Variants in CRIM1 observed in about 807,000 individuals in gnomAD.
CRIM1 encodes the protein cysteine rich transmembrane BMP regulator 1.
CRIM1 carries 32 observed loss-of-function variants against 116.4 expected under a neutral mutation model. The ratio of observed to expected loss-of-function variants is 0.27; its 90% CI spans 0.21 to 0.37. CRIM1 has a LOEUF of 0.37. Among genes scored for constraint, CRIM1 ranks in the 10% least tolerant of loss-of-function variants. The pLI is 1.00. For synonymous variants in CRIM1, 590 were observed against 509.2 expected (o/e 1.16, Z -2.13); for missense variants, 1,331 against 1,354.8 (o/e 0.98, Z 0.28).
At position 36,548,762 on chromosome 2, in the gene CRIM1, T is replaced by C. The variant is rs562559638; in HGVS notation, c.*61T>C. On this transcript the variant is annotated 3_prime_UTR_variant, in exon 17 of 17. Coordinates refer to ENST00000280527, the MANE Select transcript of CRIM1 (RefSeq NM_016441.3). Reference sequence around the variant, plus strand: ...AGACGACTAAATCTGCTCTAAAAAGTAAACTAGAATTTGTGCACTTGCTTA... The same window carrying C: ...AGACGACTAAATCTGCTCTAAAAAGCAAACTAGAATTTGTGCACTTGCTTA... 2 of 1,399,768 alleles carry C rather than the reference T, an allele frequency of 1.4e-6. No homozygotes were observed. The highest frequency in any genetic ancestry group is 2.3e-5 in the East Asian group (1 of 43,062). The allele number at this position is 1,399,768 out of a possible 1,614,324, so 86.7% of individuals were successfully genotyped here.
intron 16 of CRIM1, among the ~76,000 whole-genome samples, chr2:36,547,578 C>T (rs952516456): frequency 1.1e-4 from 16 of 152,184 alleles, no homozygotes; most frequent in African/African-American, 3.9e-4. Context: ...GGAGATAATA[C>T]TCAGGAGAGG....
intron 5 of CRIM1, among the ~76,000 whole-genome samples, chr2:36,467,889 A>G (rs1678175994): frequency 6.6e-6 from 1 of 152,252 alleles, no homozygotes; most frequent in East Asian, 1.9e-4. Flanking sequence ...TCATATGGAA[A>G]GGAATGGATT....
At chr2:36,366,802 T>G (rs898668053) in intron 1 of CRIM1, among the ~76,000 whole-genome samples, 1 of 152,216 alleles carries the variant, frequency 6.6e-6, no homozygotes, top group African/African-American at 2.4e-5. Context: ...TGGAGAATTG[T>G]GATACTTCTT....
At chr2:36,419,089 G>C (rs1226300328) in intron 2 of CRIM1, among the ~76,000 whole-genome samples, 1 of 152,158 alleles carries the variant, frequency 6.6e-6, no homozygotes, top group South Asian at 2.1e-4. Flanking sequence ...TTAAATGCTA[G>C]CATTTTTAAA....
intron 15 of CRIM1, among the ~76,000 whole-genome samples, chr2:36,544,833 C>A (rs1253060974): frequency 6.6e-6 from 1 of 152,168 alleles, no homozygotes; most frequent in African/African-American, 2.4e-5. Flanking sequence ...TATATATAAA[C>A]TTTGTAAGGA....
intron 11 of CRIM1, among the ~76,000 whole-genome samples, chr2:36,516,895 C>T (rs994016545): frequency 1.3e-5 from 2 of 152,144 alleles, no homozygotes; most frequent in East Asian, 3.9e-4. Flanking sequence ...AATAAGGTGA[C>T]TGTAAGGAAT....
Position 36,464,552 on chromosome 2 carries a change from C to T in CRIM1, c.888C>T (p.Gly296=). The T allele has an allele frequency of 6.2e-7, 1 of 1,614,094 alleles. No individual in the cohort carries two copies. The highest frequency in any genetic ancestry group is 1.1e-5 in the South Asian group (1 of 91,082). ...TLPTRCECLS[G]LCGFPVCEVG... is the part of the protein sequence containing the mutation. ...GTTTCAGATGCGAGTGTCTCTCTGGCTTATGTGGTTTCCCCGTGTGTGAGG... is the reference window on the plus strand; with the variant it reads ...GTTTCAGATGCGAGTGTCTCTCTGGTTTATGTGGTTTCCCCGTGTGTGAGG... The change falls in exon 5 of 17, where the codon GGC becomes GGT. Residue 296 remains glycine, a synonymous_variant. Transcript: ENST00000280527.
At chr2:36,519,856 T>G (rs1471032875) in intron 12 of CRIM1, among the ~76,000 whole-genome samples, 1 of 152,178 alleles carries the variant, frequency 6.6e-6, no homozygotes, top group East Asian at 1.9e-4. Context: ...TCCATAAGTT[T>G]AAAATTTTCT....
rs370438062 is a variant in CRIM1, at chr2:36,382,038, A to ACG, written c.332-14575_332-14574dup. ...AAGAGGTTTCCAGAAAAACCTGAGG[A>ACG]CGTGCCTCAGGGTGATGATATGCCC... On this transcript the variant is annotated intron_variant, in intron 1 of 16. Transcript: ENST00000280527. 5.1e-3 allele frequency among the ~76,000 whole-genome samples: 780 copies of ACG among 152,260 alleles called. 10 individuals are homozygous for ACG. The highest frequency in any genetic ancestry group is 0.018 in the African/African-American group (737 of 41,534).
chr2:36,538,877 A>G (rs1337322987), intron 14 of CRIM1, among the ~76,000 whole-genome samples: 1 of 152,232 alleles, frequency 6.6e-6, no homozygotes, highest in African/African-American at 2.4e-5. Flanking sequence ...ATGTTTCACA[A>G]ATTTCATACC....
At chr2:36,454,253 T>G (rs904504461) in intron 4 of CRIM1, among the ~76,000 whole-genome samples, 3 of 152,138 alleles carry the variant, frequency 2.0e-5, no homozygotes, top group Non-Finnish European at 4.4e-5. Flanking sequence ...GTATTCTTTC[T>G]TGCCTTTGTA....
rs1679874482 is a variant in CRIM1 at position 36,487,064 on chromosome 2, A to C, written c.1372+7370A>C. Among the ~76,000 whole-genome samples, 5 of 152,318 alleles carry C rather than the reference A, an allele frequency of 3.3e-5. No homozygotes were observed. The South Asian group carries it at 1.0e-3, about 32-fold the overall frequency. On this transcript the variant is annotated intron_variant, in intron 7 of 16. Coordinates refer to ENST00000280527, the MANE Select transcript of CRIM1 (RefSeq NM_016441.3). Reference sequence around the variant, plus strand: ...TTGGTTTACTTTTTAGCTTTTGTCTACCCAGTAGAATTTAACATTTTAATT... The same window carrying C: ...TTGGTTTACTTTTTAGCTTTTGTCTCCCCAGTAGAATTTAACATTTTAATT...
intron 4 of CRIM1, among the ~76,000 whole-genome samples, chr2:36,456,821 T>C (rs1677173203): frequency 6.6e-6 from 1 of 150,840 alleles, no homozygotes; most frequent in South Asian, 2.1e-4. Flanking sequence ...CCTTCAAAAC[T>C]AACCCTGATT....
intron 1 of CRIM1, among the ~76,000 whole-genome samples, chr2:36,379,739 TCTC>T (rs1198890583): frequency 2.5e-5 from 3 of 120,946 alleles, no homozygotes; most frequent in Non-Finnish European, 5.0e-5. Context: ...TCTTTCTTTC[TCTC>T]TTTTTTTTTT....
In CRIM1 at chr2:36,442,832, A is replaced by T; in HGVS notation, c.869+97A>T. 5 of 1,376,776 alleles carry T rather than the reference A, an allele frequency of 3.6e-6. No homozygotes were observed. The South Asian group carries it at 6.1e-5, about 17-fold the overall frequency. 85.3% of individuals were successfully genotyped at this position (1,376,776 alleles called of 1,614,324 possible). A position where few individuals can be genotyped will look rare whatever the true frequency, so the allele number is the denominator to read the frequency against. On this transcript the variant is annotated intron_variant, in intron 4 of 16. Transcript: ENST00000280527. ...CAGTTTGTTTTCCCATGAGAAACCT[A>T]GTCCTTTCCTGTTTCTCTGGAAGAA...
At chr2:36,382,762 A>G (rs1040296901) in intron 1 of CRIM1, among the ~76,000 whole-genome samples, 3 of 152,238 alleles carry the variant, frequency 2.0e-5, no homozygotes, top group East Asian at 1.9e-4. Context: ...CCAGTCTTCC[A>G]TAAATTGGAA....
At chr2:36,456,477 C>T (rs1043154763) in intron 4 of CRIM1, among the ~76,000 whole-genome samples, 10 of 152,214 alleles carry the variant, frequency 6.6e-5, no homozygotes, top group African/African-American at 2.4e-4. Context: ...GCGTGATGTG[C>T]CAGTTTCCCT....
intron 2 of CRIM1, among the ~76,000 whole-genome samples, chr2:36,403,685 A>G (rs539903726): frequency 2.0e-5 from 3 of 152,270 alleles, no homozygotes; most frequent in African/African-American, 7.2e-5. Context: ...TGGGAGGACT[A>G]TTATCAAGAT....
chr2:36,451,100 A>G (rs748990058), intron 4 of CRIM1, among the ~76,000 whole-genome samples: 3 of 152,340 alleles, frequency 2.0e-5, no homozygotes, highest in South Asian at 2.1e-4. Context: ...AAATGCTCCA[A>G]TCGGTTAAAA....
Sources: allele counts gnomAD v4.1 joint callset (sites outside exome capture counted in the v4.1 genomes callset), GRCh38; gene constraint gnomAD v4.1.1; transcripts MANE v1.5; gene names NCBI Gene and HGNC (gene_info 2026-07-23, HGNC 2026-07-21).